The following SIK2 variants were observed in gnomAD, a reference collection of about 807,000 sequenced individuals.
SIK2 encodes serine/threonine-protein kinase SIK2.
SIK2 carries 29 observed loss-of-function variants against 103.2 expected under a neutral mutation model. The ratio of observed to expected loss-of-function variants is 0.28; its 90% CI spans 0.21 to 0.38. The LOEUF (loss-of-function observed/expected upper bound fraction) is 0.38. SIK2 is among the 10% of genes least tolerant of loss of function. The pLI is 1.00. For missense variants in SIK2, 879 were observed against 1,171.0 expected, an observed-to-expected ratio of 0.75 and a Z score of 3.64; for synonymous variants, 412 against 446.1, an observed-to-expected ratio of 0.92 and a Z score of 0.96.
At position 111,645,805 on chromosome 11, in the gene SIK2, GA is replaced by G. The variant is rs1555027374; in HGVS notation, c.316+25415del. ...GCCCTAGCCTGGGCAACAAGAGCAA[GA>G]AAAAAAAAAAAGACAAAGAAGCAAC... is the stretch of plus-strand genomic sequence containing the variant. On this transcript the variant is annotated intron_variant, in intron 3 of 14. Transcript: ENST00000304987. 3.6e-3 allele frequency among the ~76,000 whole-genome samples: 496 copies of G among 136,090 alleles called. 4 individuals are homozygous for G. Among genetic ancestry groups the G allele is most frequent in the Admixed American group, 0.017 (237 of 13,786 alleles). 89.3% of individuals were successfully genotyped at this position (136,090 alleles called of 152,430 possible). A position where few individuals can be genotyped will look rare whatever the true frequency, so the allele number is the denominator to read the frequency against.
intron 1 of SIK2, among the ~76,000 whole-genome samples, chr11:111,609,417 G>A (rs770693451): frequency 5.3e-5 from 8 of 152,058 alleles, no homozygotes; most frequent in Non-Finnish European, 1.2e-4. Context: ...CACCTCCCAG[G>A]CTCAAGTGAT....
intron 3 of SIK2, among the ~76,000 whole-genome samples, chr11:111,640,204 A>G (rs954286088): frequency 1.3e-5 from 2 of 152,148 alleles, no homozygotes; most frequent in South Asian, 2.1e-4. Context: ...AGTTTGATCT[A>G]GTCTGTTGTA....
rs922869800 is a variant in SIK2 at position 111,719,715 on chromosome 11, T to C, written c.1267-60T>C. On this transcript the variant is annotated intron_variant, in intron 9 of 14. Transcript: ENST00000304987. ...CCACAAGTCTTGACATGTTTTCCTT[T>C]GTGGATTTTTCTGTCTCAGCAGTGC... is the stretch of plus-strand genomic sequence containing the variant. The C allele has an allele frequency of 4.6e-6, 7 of 1,519,064 alleles. No homozygotes were observed. The African/African-American group carries it at 8.3e-5, about 18-fold the overall frequency. 94.1% of individuals were successfully genotyped at this position (1,519,064 alleles called of 1,614,324 possible). A position where few individuals can be genotyped will look rare whatever the true frequency, so the allele number is the denominator to read the frequency against.
At chr11:111,667,751 C>T (rs1942566261) in intron 3 of SIK2, among the ~76,000 whole-genome samples, 1 of 152,078 alleles carries the variant, frequency 6.6e-6, no homozygotes, top group African/African-American at 2.4e-5. Flanking sequence ...TCTTGGCCTC[C>T]CAAAGTGCTG....
intron 3 of SIK2, among the ~76,000 whole-genome samples, chr11:111,661,192 A>AC (rs1942462898): frequency 6.6e-6 from 1 of 152,210 alleles, no homozygotes; most frequent in African/African-American, 2.4e-5. Context: ...CTATTTATGC[A>AC]TCACAAGGAA....
At chr11:111,712,485 C>A in intron 9 of SIK2, 110 bp downstream of exon 9, 1 of 1,156,356 alleles carries the variant, frequency 8.6e-7, no homozygotes, top group Non-Finnish European at 1.2e-6. Context: ...CGTTAAGTCA[C>A]TCAGGAGTGA....
chr11:111,711,341 T>C (rs1943489961), intron 8 of SIK2, among the ~76,000 whole-genome samples: 1 of 152,198 alleles, frequency 6.6e-6, no homozygotes, highest in Admixed American at 6.5e-5. Flanking sequence ...CAGGATGGTC[T>C]CGATCTCCTG....
intron 3 of SIK2, among the ~76,000 whole-genome samples, chr11:111,687,526 A>AG (rs972900284): frequency 6.6e-6 from 1 of 151,602 alleles, no homozygotes; most frequent in Non-Finnish European, 1.5e-5. Flanking sequence ...AAAAAAAAAA[A>AG]AGAAAAAGAA....
At position 111,612,065 on chromosome 11, in the gene SIK2, T is replaced by A. The variant is rs546569761; in HGVS notation, c.136-4178T>A. Among the ~76,000 whole-genome samples the A allele has an allele frequency of 7.1e-4, 108 of 152,346 alleles. 1 individual carries two copies. Among genetic ancestry groups the A allele is most frequent in the Admixed American group, 1.4e-3 (21 of 15,310 alleles). ...GTAGGAATCAAATCTCATTCATTTT[T>A]ATATCCCAGGCATAATTCCTGGCAC... is the stretch of plus-strand genomic sequence containing the variant. On this transcript the variant is annotated intron_variant, in intron 1 of 14. Coordinates refer to ENST00000304987, the MANE Select transcript of SIK2 (RefSeq NM_015191.3).
chr11:111,606,100 A>G (rs773793348), intron 1 of SIK2, among the ~76,000 whole-genome samples: 4 of 152,192 alleles, frequency 2.6e-5, no homozygotes, highest in Non-Finnish European at 4.4e-5. Context: ...AGTGTCCTTG[A>G]GTAGTTTATT....
chr11:111,684,871 A>T (rs781343220), intron 3 of SIK2, among the ~76,000 whole-genome samples: 8 of 152,234 alleles, frequency 5.3e-5, no homozygotes, highest in African/African-American at 1.9e-4. Context: ...TGAGCTGACC[A>T]TCTCAGTTTC....
At chr11:111,683,605 C>A (rs1340481281) in intron 3 of SIK2, among the ~76,000 whole-genome samples, 6 of 151,968 alleles carry the variant, frequency 3.9e-5, no homozygotes, top group African/African-American at 1.2e-4. Flanking sequence ...GTGGCCGCCA[C>A]CATGCCTGAC....
chr11:111,657,300 T>G (rs1942403483), intron 3 of SIK2, among the ~76,000 whole-genome samples: 1 of 152,218 alleles, frequency 6.6e-6, no homozygotes, highest in Non-Finnish European at 1.5e-5. Flanking sequence ...GCTGGTTTTG[T>G]AGTCTTTGAG....
chr11:111,660,839 C>CTTTTTTTTTTTTTT (rs57174726), intron 3 of SIK2, among the ~76,000 whole-genome samples: 309 of 90,304 alleles, frequency 3.4e-3, no homozygotes, highest in Non-Finnish European at 4.2e-3. Flanking sequence ...GTGAAGTTGG[C>CTTTTTTTTTTTTTT]TTTTTTTTTT....
chr11:111,630,061 G>A (rs779223494), intron 3 of SIK2, among the ~76,000 whole-genome samples: 5 of 152,048 alleles, frequency 3.3e-5, no homozygotes, highest in African/African-American at 7.2e-5. Flanking sequence ...ACGCAAAGTC[G>A]GATCAACCCA....
chr11:111,698,520 T>C (rs1221916439), intron 4 of SIK2, among the ~76,000 whole-genome samples: 1 of 152,096 alleles, frequency 6.6e-6, no homozygotes, highest in African/African-American at 2.4e-5. Context: ...AGCGGGTGGA[T>C]TGCGTCAGCC....
intron 3 of SIK2, among the ~76,000 whole-genome samples, chr11:111,681,833 A>G (rs569760455): frequency 1.3e-3 from 198 of 152,368 alleles, no homozygotes; most frequent in African/African-American, 4.6e-3. Context: ...AACAGCCACT[A>G]ATGAATACTA....
intron 3 of SIK2, among the ~76,000 whole-genome samples, chr11:111,648,182 A>G (rs1160679637): frequency 6.6e-6 from 1 of 152,194 alleles, no homozygotes; most frequent in Non-Finnish European, 1.5e-5. Flanking sequence ...TATGCATGGT[A>G]TGATTTCATT....
In SIK2 at chr11:111,602,651, A is replaced by C. The variant is rs1941598861; in HGVS notation, c.88A>C (p.Asn30His). ...YDIEGTLGKG[N>H]FAVVKLGRHR... Reference sequence around the variant, plus strand: ...CATCGAGGGCACGCTGGGCAAGGGCAACTTCGCTGTGGTGAAGCTGGGGCG... The same window carrying C: ...CATCGAGGGCACGCTGGGCAAGGGCCACTTCGCTGTGGTGAAGCTGGGGCG... Residue 30 changes from asparagine to histidine, a missense_variant, in exon 1 of 15, where the codon AAC becomes CAC. Asn to His is a moderately conservative substitution (Grantham distance 68). Around this residue, in one of 7 missense-constraint regions of SIK2, gnomAD observed 47 missense variants for 43.9 expected, o/e 1.07. Transcript: ENST00000304987. This position sits in a 1 kb window ranked among gnomAD's most constrained non-coding sequence, Gnocchi z 4.5. 6.5e-7 allele frequency: 1 copy of C among 1,532,578 alleles called. No individual in the cohort carries two copies. The highest frequency in any genetic ancestry group is 8.8e-7 in the Non-Finnish European group (1 of 1,138,788). 94.9% of individuals were successfully genotyped at this position (1,532,578 alleles called of 1,614,324 possible). A position where few individuals can be genotyped will look rare whatever the true frequency, so the allele number is the denominator to read the frequency against.
Sources: allele counts gnomAD v4.1 joint callset (sites outside exome capture counted in the v4.1 genomes callset), GRCh38; gene constraint gnomAD v4.1.1; regional missense constraint gnomAD v4.1.1; non-coding constraint Gnocchi (gnomAD v3.1); transcripts MANE v1.5; gene names NCBI Gene and HGNC (gene_info 2026-07-23, HGNC 2026-07-21).